Variants in IL23R observed in about 807,000 individuals in gnomAD.
The protein encoded by IL23R is interleukin 23 receptor, also known as interleukin-23 receptor.
A neutral mutation model predicts 56.9 loss-of-function variants in IL23R; 34 were observed. The observed-to-expected ratio is 0.60, with a 90% CI of 0.45 to 0.80. The LOEUF is 0.80. IL23R is among the 30% of genes least tolerant of loss of function. The pLI, the probability that IL23R is intolerant of heterozygous loss-of-function variation, is 0.00. For missense variants in IL23R, 635 were observed against 730.0 expected (o/e 0.87, Z 1.50); for synonymous variants, 230 against 249.2 (o/e 0.92, Z 0.73).
intron 1 of IL23R, among the ~76,000 whole-genome samples, chr1:67,145,811 A>G (rs1646674507): frequency 6.6e-6 from 1 of 152,214 alleles, no homozygotes; most frequent in African/African-American, 2.4e-5. Context: ...GCCTCCCAGT[A>G]TCACATATTC....
At chr1:67,161,249 G>A (rs188750316) in intron 1 of IL23R, among the ~76,000 whole-genome samples, 1 of 152,252 alleles carries the variant, frequency 6.6e-6, no homozygotes, top group African/African-American at 2.4e-5. Flanking sequence ...GTAATTCCCT[G>A]CAGCTATCTC....
chr1:67,166,060 A>T (rs1290960507), upstream of IL23R, among the ~76,000 whole-genome samples: 2 of 152,256 alleles, frequency 1.3e-5, no homozygotes, highest in Admixed American at 6.5e-5. Context: ...ATCATGTTGT[A>T]TATCATCAAA....
chr1:67,247,281 T>C (rs1211374056), intron 9 of IL23R, among the ~76,000 whole-genome samples: 1 of 152,164 alleles, frequency 6.6e-6, no homozygotes, highest in East Asian at 1.9e-4. Context: ...TCTGTGTCTT[T>C]TAATTGGGGC....
At position 67,227,978 on chromosome 1, in the gene IL23R, CTT is replaced by C. The variant is rs1190881587; in HGVS notation, c.955+8250_955+8251del. On this transcript the variant is annotated intron_variant, in intron 7 of 10. Coordinates refer to ENST00000347310, the MANE Select transcript of IL23R (RefSeq NM_144701.3). ...TCTTTCTTTCTTTCTTTCTTTCTTT[CTT>C]TCTTTCTTTCTTTCTTTCTTTCTTT... Among the ~76,000 whole-genome samples the C allele has an allele frequency of 1.7e-3, 149 of 87,866 alleles. 13 individuals are homozygous for C. The highest frequency in any genetic ancestry group is 0.014 in the Middle Eastern group (3 of 214). The allele number at this position is 87,866 out of a possible 152,430, so 57.6% of individuals were successfully genotyped here. A position where few individuals can be genotyped will look rare whatever the true frequency, so the allele number is the denominator to read the frequency against.
At position 67,227,982 on chromosome 1, in the gene IL23R, CTTTCTTTCTT is replaced by C. The variant is rs1650765048; in HGVS notation, c.955+8254_955+8263del. Among the ~76,000 whole-genome samples the C allele has an allele frequency of 6.7e-5, 6 of 89,544 alleles. 1 individual carries two copies. Among genetic ancestry groups the C allele is most frequent in the Admixed American group, 2.6e-4 (2 of 7,814 alleles). 58.7% of individuals were successfully genotyped at this position (89,544 alleles called of 152,430 possible). On this transcript the variant is annotated intron_variant, in intron 7 of 10. Transcript: ENST00000347310. ...TCTTTCTTTCTTTCTTTCTTTCTTTCTTTCTTTCTTTCTTTCTTTCTTTCTTTCTTTCTTT... is the reference window on the plus strand; with the variant it reads ...TCTTTCTTTCTTTCTTTCTTTCTTTCTCTTTCTTTCTTTCTTTCTTTCTTT...
intron 5 of IL23R, among the ~76,000 whole-genome samples, chr1:67,204,945 A>C (rs573630221): frequency 1.3e-5 from 2 of 152,102 alleles, no homozygotes; most frequent in East Asian, 3.9e-4. Flanking sequence ...CACCTGGCTA[A>C]GTTTTGTATT....
upstream of IL23R, among the ~76,000 whole-genome samples, chr1:67,163,496 A>G (rs796312230): frequency 1.8e-3 from 263 of 142,900 alleles, no homozygotes; most frequent in African/African-American, 6.7e-3. Context: ...AAAAAAAAAA[A>G]AAGACAGAAA....
In IL23R at chr1:67,201,407, T is replaced by TAA. The variant is rs58091786; in HGVS notation, c.652+526_652+527dup. On this transcript the variant is annotated intron_variant, in intron 5 of 10. Transcript: ENST00000347310. ...TGGGTGACACAGCAAAACTCTTGTC[T>TAA]AAAAAAAAAAAAAAAAATCCATATA... Among the ~76,000 whole-genome samples, 129 of 132,640 alleles carry TAA rather than the reference T, an allele frequency of 9.7e-4. 1 individual carries two copies. The highest frequency in any genetic ancestry group is 3.3e-3 in the African/African-American group (122 of 36,546). 87.0% of individuals were successfully genotyped at this position (132,640 alleles called of 152,430 possible).
chr1:67,222,658 G>A (rs954595947), intron 7 of IL23R, among the ~76,000 whole-genome samples: 14 of 152,050 alleles, frequency 9.2e-5, no homozygotes, highest in African/African-American at 3.4e-4. Context: ...TGATTATGAT[G>A]TCAGCCATAT....
At chr1:67,183,656 A>G (rs1455459983) in intron 4 of IL23R, among the ~76,000 whole-genome samples, 1 of 152,238 alleles carries the variant, frequency 6.6e-6, no homozygotes, top group Non-Finnish European at 1.5e-5. Context: ...GCCTAAAAAT[A>G]AAACATAACA....
At chr1:67,190,824 G>A (rs1018480859) in intron 4 of IL23R, among the ~76,000 whole-genome samples, 20 of 152,212 alleles carry the variant, frequency 1.3e-4, no homozygotes, top group African/African-American at 4.6e-4. Context: ...GCAGTATCAT[G>A]TTAGAGCCCT....
intron 9 of IL23R, among the ~76,000 whole-genome samples, chr1:67,253,827 A>C (rs1199279793): frequency 3.3e-5 from 5 of 152,182 alleles, no homozygotes; most frequent in African/African-American, 1.2e-4. Flanking sequence ...CACTAAGTTC[A>C]TAACTAAGAA....
intron 6 of IL23R, chr1:67,207,615 C>G (rs1216606487): frequency 7.6e-6 from 3 of 392,228 alleles, no homozygotes; most frequent in Non-Finnish European, 1.5e-5. Context: ...TTTGCTTCTT[C>G]CTCATTTTCT....
chr1:67,149,206 T>C (rs933748740), intron 1 of IL23R, among the ~76,000 whole-genome samples: 2 of 152,180 alleles, frequency 1.3e-5, no homozygotes, highest in African/African-American at 2.4e-5. Context: ...CTGGGAGCTC[T>C]TCTCAGCATT....
intron 1 of IL23R, among the ~76,000 whole-genome samples, chr1:67,154,028 A>C (rs893888281): frequency 3.9e-5 from 6 of 152,318 alleles, no homozygotes; most frequent in African/African-American, 1.4e-4. Flanking sequence ...TCGTTCTCCC[A>C]AAGTGCTGGG....
intron 2 of IL23R, 146 bp downstream of exon 2, chr1:67,168,336 A>G: frequency 2.7e-6 from 2 of 727,654 alleles, no homozygotes; most frequent in Non-Finnish European, 4.8e-6. Flanking sequence ...AATTACATAG[A>G]ATGAAATAAA....
intron 7 of IL23R, among the ~76,000 whole-genome samples, chr1:67,232,218 C>G (rs1207396013): frequency 2.6e-5 from 4 of 152,086 alleles, no homozygotes; most frequent in African/African-American, 9.7e-5. Context: ...GCATGTATTA[C>G]TTGTGTAATA....
rs375541215 is a variant in IL23R at position 67,200,698 on chromosome 1, T to C, written c.492-39T>C. 2.5e-4 allele frequency: 407 copies of C among 1,604,910 alleles called. 1 individual carries two copies. Among genetic ancestry groups the C allele is most frequent in the South Asian group, 1.6e-3 (147 of 90,788 alleles). ...CCATGCCTGGCCAATTAATTCAAAC[T>C]AAATACAATTTATGATCATCTTTTT... On this transcript the variant is annotated intron_variant, in intron 4 of 10. Coordinates refer to ENST00000347310, the MANE Select transcript of IL23R (RefSeq NM_144701.3).
At chr1:67,150,203 G>T (rs1198023018) in intron 1 of IL23R, among the ~76,000 whole-genome samples, 10 of 147,598 alleles carry the variant, frequency 6.8e-5, no homozygotes, top group Admixed American at 6.8e-4. Context: ...AGGTTCATAT[G>T]ACCCAACCAA....
Sources: allele counts gnomAD v4.1 joint callset (sites outside exome capture counted in the v4.1 genomes callset), GRCh38; gene constraint gnomAD v4.1.1; transcripts MANE v1.5; gene names NCBI Gene and HGNC (gene_info 2026-07-23, HGNC 2026-07-21).